AFF1: variants seen among roughly 807,000 people sequenced by gnomAD.
AFF1 encodes AF4/FMR2 family member 1.
In AFF1, 48 loss-of-function variants were observed where a neutral mutation model predicts 121.7. That is an observed-to-expected ratio of 0.39 (90% confidence interval 0.31 to 0.50). The LOEUF is 0.50. Ranked by LOEUF, AFF1 falls within the 20% of genes least tolerant of loss-of-function variation. The probability of loss-of-function intolerance (pLI) is 0.76; values close to 1 mark genes in which losing one functional copy is unlikely to be tolerated. For missense variants in AFF1, 1,523 were observed against 1,511.7 expected (o/e 1.01, Z -0.12); for synonymous variants, 613 against 563.0 (o/e 1.09, Z -1.26).
intron 4 of AFF1, among the ~76,000 whole-genome samples, chr4:87,066,959 A>T (rs1246958267): frequency 6.6e-6 from 1 of 152,254 alleles, no homozygotes. Context: ...CGGCTTCTTC[A>T]GAGCTGAAGA....
At chr4:87,005,588 T>G (rs1309659748) in intron 2 of AFF1, among the ~76,000 whole-genome samples, 2 of 152,210 alleles carry the variant, frequency 1.3e-5, no homozygotes, top group Non-Finnish European at 2.9e-5. Context: ...GTAAAAATGG[T>G]AGTCCATGAA....
At chr4:87,088,767 G>A (rs927823147) in intron 5 of AFF1, among the ~76,000 whole-genome samples, 1 of 66,770 alleles carries the variant, frequency 1.5e-5, no homozygotes, top group Non-Finnish European at 2.9e-5. Context: ...GCTCATTTTT[G>A]TATTTTTGTA....
intron 12 of AFF1, among the ~76,000 whole-genome samples, chr4:87,115,781 G>A (rs1412769327): frequency 6.6e-6 from 1 of 151,346 alleles, no homozygotes; most frequent in African/African-American, 2.4e-5. Context: ...GCTAATTTTT[G>A]TATTTTTTTT....
At chr4:87,068,796 C>T (rs1366897776) in intron 4 of AFF1, among the ~76,000 whole-genome samples, 2 of 152,160 alleles carry the variant, frequency 1.3e-5, no homozygotes, top group Non-Finnish European at 2.9e-5. Context: ...AAGTTCTTTC[C>T]TGTAAGGGCC....
Position 87,139,825 on chromosome 4 carries a change from T to C in AFF1, c.*4124T>C, listed in dbSNP as rs1729582726. On this transcript the variant is annotated 3_prime_UTR_variant, in exon 21 of 21. Coordinates refer to ENST00000395146, the MANE Select transcript of AFF1 (RefSeq NM_001166693.3). ...TGTGAACCTCAAATATGCAATCCAG[T>C]TGTGTTGGTTTCTCGGTGACTTGGA... The C allele has an allele frequency of 4.4e-6, 1 of 225,464 alleles. No homozygotes were observed. Among genetic ancestry groups the C allele is most frequent in the African/African-American group, 2.2e-5 (1 of 44,926 alleles). The allele number at this position is 225,464 out of a possible 1,614,324, so 14.0% of individuals were successfully genotyped here.
intron 4 of AFF1, among the ~76,000 whole-genome samples, chr4:87,052,562 A>G (rs992855627): frequency 6.6e-6 from 1 of 152,090 alleles, no homozygotes; most frequent in African/African-American, 2.4e-5. Flanking sequence ...CGTGAAAGGC[A>G]TTTGGGTATT....
intron 2 of AFF1, among the ~76,000 whole-genome samples, chr4:87,033,602 G>T (rs193193348): frequency 6.6e-6 from 1 of 152,194 alleles, no homozygotes; most frequent in African/African-American, 2.4e-5. Flanking sequence ...GTAGAAGTTA[G>T]TTGTTTCTTA....
intron 8 of AFF1, among the ~76,000 whole-genome samples, chr4:87,095,744 T>A (rs956897234): frequency 1.3e-5 from 2 of 152,198 alleles, no homozygotes; most frequent in African/African-American, 4.8e-5. Context: ...GACTGCATAT[T>A]AAAGATTTTT....
At chr4:87,080,821 G>C (rs926069806) in intron 4 of AFF1, among the ~76,000 whole-genome samples, 4 of 152,222 alleles carry the variant, frequency 2.6e-5, no homozygotes, top group Middle Eastern at 3.2e-3. Context: ...CAAAAGATCT[G>C]TCTTGTAGTT....
At chr4:87,010,625 G>T (rs1560537176) in intron 2 of AFF1, among the ~76,000 whole-genome samples, 1 of 152,128 alleles carries the variant, frequency 6.6e-6, no homozygotes, top group African/African-American at 2.4e-5. Flanking sequence ...TTTTTTTCCT[G>T]CAAGAATTAA....
intron 2 of AFF1, among the ~76,000 whole-genome samples, chr4:87,044,114 C>A (rs971941767): frequency 6.6e-6 from 1 of 152,156 alleles, no homozygotes; most frequent in African/African-American, 2.4e-5. Flanking sequence ...CTGCGCCTGG[C>A]CTAAGGAGAT....
Position 87,084,709 on chromosome 4 carries a change from C to T in AFF1, c.1104+545C>T, listed in dbSNP as rs112511634. Among the ~76,000 whole-genome samples, 16 of 152,148 alleles carry T rather than the reference C, an allele frequency of 1.1e-4. No homozygotes were observed. In the East Asian group the frequency reaches 1.3e-3, roughly 13 times the overall value. On this transcript the variant is annotated intron_variant, in intron 5 of 20. Coordinates refer to ENST00000395146, the MANE Select transcript of AFF1 (RefSeq NM_001166693.3). ...AATAGTAACAGAAGTAGTCTTGGAA[C>T]GTAATTGAATTCTCTACCAGATTTT... is the stretch of plus-strand genomic sequence containing the variant.
chr4:87,014,609 C>T (rs953737546), intron 2 of AFF1, among the ~76,000 whole-genome samples: 1 of 152,192 alleles, frequency 6.6e-6, no homozygotes, highest in African/African-American at 2.4e-5. Context: ...ACTGTCCTGT[C>T]AGAAGCAAAG....
intron 2 of AFF1, among the ~76,000 whole-genome samples, chr4:87,017,541 A>C (rs1024421282): frequency 7.9e-5 from 12 of 152,338 alleles, no homozygotes; most frequent in African/African-American, 2.6e-4. Flanking sequence ...CTCCAACTCC[A>C]CAACTCATAA....
intron 2 of AFF1, among the ~76,000 whole-genome samples, chr4:86,974,671 T>A (rs1468567754): frequency 6.6e-6 from 1 of 152,228 alleles, no homozygotes; most frequent in African/African-American, 2.4e-5. Context: ...GTATTTTTTC[T>A]AATTAGCAAT....
chr4:86,936,257 T>C (rs1326651512), intron 1 of AFF1: 3 of 152,238 alleles, frequency 2.0e-5, no homozygotes, highest in African/African-American at 7.2e-5. Context: ...TCCCCCTTGG[T>C]GCACGTTGCG....
intron 2 of AFF1, among the ~76,000 whole-genome samples, chr4:86,983,256 A>G (rs1009998287): frequency 2.6e-5 from 4 of 152,242 alleles, no homozygotes; most frequent in Admixed American, 2.6e-4. Context: ...GGCTGGGCAC[A>G]GCGGTTCACT....
At chr4:87,111,941 TG>T (rs534176059) in intron 11 of AFF1, among the ~76,000 whole-genome samples, 1 of 152,126 alleles carries the variant, frequency 6.6e-6, no homozygotes. Context: ...TTTTGAGGGT[TG>T]GGGGGGAAAC....
rs575405465 is a variant in AFF1, at chr4:87,121,179, C to T, written c.2467-3858C>T. ...AGAAAAAGAATTTCTGAAACCCAGA[C>T]CTTAAGCCAGATTCCCTGAAGTGGG... On this transcript the variant is annotated intron_variant, in intron 12 of 20. Coordinates refer to ENST00000395146, the MANE Select transcript of AFF1 (RefSeq NM_001166693.3). 1.0e-3 allele frequency among the ~76,000 whole-genome samples: 157 copies of T among 152,314 alleles called. 1 individual carries two copies. Among genetic ancestry groups the T allele is most frequent in the Admixed American group, 3.8e-3 (58 of 15,310 alleles).
Sources: gnomAD v4.1 joint callset for allele counts (sites outside exome capture counted in the v4.1 genomes callset) on GRCh38, gnomAD v4.1.1 for gene constraint, MANE v1.5 for transcripts, NCBI Gene and HGNC (gene_info 2026-07-23, HGNC 2026-07-21) for gene names.